Variants in RFX8 observed in about 807,000 individuals in gnomAD.
RFX8 encodes the protein regulatory factor X8, also known as DNA-binding protein RFX8.
Under a neutral mutation model 54.6 loss-of-function variants are expected in RFX8, and 46 were observed. That is an observed-to-expected ratio of 0.84 (90% CI 0.67 to 1.08). The LOEUF (loss-of-function observed/expected upper bound fraction) is 1.08. RFX8 is among the 50% of genes least tolerant of loss of function. The pLI, the probability that RFX8 is intolerant of heterozygous loss-of-function variation, is 0.00. For missense variants in RFX8, 536 were observed against 562.3 expected (o/e 0.95, Z 0.47); for synonymous variants, 192 against 209.5 (o/e 0.92, Z 0.72).
chr2:101,472,668 C>T (rs1389692368), intron 1 of RFX8, among the ~76,000 whole-genome samples: 2 of 152,132 alleles, frequency 1.3e-5, no homozygotes, highest in African/African-American at 4.8e-5. Context: ...AATACACTAA[C>T]ACTAATGATA....
At chr2:101,431,536 A>G (rs1378414271) in intron 2 of RFX8, among the ~76,000 whole-genome samples, 1 of 152,202 alleles carries the variant, frequency 6.6e-6, no homozygotes, top group African/African-American at 2.4e-5. Flanking sequence ...TTGAATGGTG[A>G]CATTGATCCT....
chr2:101,412,844 T>C (rs2104552348), intron 8 of RFX8, 71 bp downstream of exon 8: 1 of 1,398,214 alleles, frequency 7.2e-7, no homozygotes, highest in African/African-American at 1.5e-5. Flanking sequence ...ATTCATGAGT[T>C]AACGATGGCC....
intron 11 of RFX8, among the ~76,000 whole-genome samples, chr2:101,398,877 T>C (rs924818784): frequency 1.3e-5 from 2 of 152,200 alleles, no homozygotes; most frequent in Admixed American, 1.3e-4. Context: ...TCTCACTCTT[T>C]CTCTAAATTC....
intron 1 of RFX8, among the ~76,000 whole-genome samples, chr2:101,467,187 A>G (rs1339675651): frequency 1.3e-5 from 2 of 152,194 alleles, no homozygotes; most frequent in East Asian, 1.9e-4. Flanking sequence ...AAGAAGTTCA[A>G]ATTAGGACTT....
intron 2 of RFX8, among the ~76,000 whole-genome samples, chr2:101,442,305 G>T (rs1688141942): frequency 6.6e-6 from 1 of 152,184 alleles, no homozygotes. Flanking sequence ...TGTATTGTAT[G>T]TATCCCATAT....
intron 2 of RFX8, among the ~76,000 whole-genome samples, chr2:101,438,631 A>G (rs6705262): frequency 0.76 from 115,120 of 152,092 alleles, 44,524 homozygotes; most frequent in Middle Eastern, 0.88. Flanking sequence ...GGTAAATTGT[A>G]TGTTTGGTTT....
intron 2 of RFX8, among the ~76,000 whole-genome samples, chr2:101,428,378 G>A (rs528992886): frequency 8.2e-4 from 125 of 152,302 alleles, no homozygotes; most frequent in Non-Finnish European, 1.2e-3. Context: ...TTTCCACCAC[G>A]TGAGACACGA....
chr2:101,464,317 CAA>C (rs1476266813), intron 2 of RFX8, among the ~76,000 whole-genome samples: 1 of 152,190 alleles, frequency 6.6e-6, no homozygotes, highest in Non-Finnish European at 1.5e-5. Context: ...AATGTTATTT[CAA>C]AAGAGGAAGT....
chr2:101,407,124 C>T (rs1462847971), intron 9 of RFX8, among the ~76,000 whole-genome samples: 1 of 152,208 alleles, frequency 6.6e-6, no homozygotes, highest in Non-Finnish European at 1.5e-5. Context: ...CCTGTGGACC[C>T]ACCACAGCTC....
At chr2:101,466,097 T>C (rs867099617) in intron 2 of RFX8, among the ~76,000 whole-genome samples, 18 of 152,256 alleles carry the variant, frequency 1.2e-4, no homozygotes, top group African/African-American at 4.3e-4. Flanking sequence ...GTAAGTAAAA[T>C]TGAAATCCAC....
intron 4 of RFX8, among the ~76,000 whole-genome samples, chr2:101,419,189 T>G (rs1335561976): frequency 6.6e-6 from 1 of 152,166 alleles, no homozygotes; most frequent in African/African-American, 2.4e-5. Context: ...TAGAACATTA[T>G]TAATATTTTC....
chr2:101,451,021 T>C (rs1297476338), intron 2 of RFX8, among the ~76,000 whole-genome samples: 1 of 151,188 alleles, frequency 6.6e-6, no homozygotes, highest in African/African-American at 2.4e-5. Flanking sequence ...CCAGCACCCA[T>C]TAACCTTTTT....
At chr2:101,418,821 T>G in intron 5 of RFX8, 30 bp downstream of exon 5, 1 of 1,374,708 alleles carries the variant, frequency 7.3e-7, no homozygotes, top group Non-Finnish European at 1.0e-6. Context: ...CTGCAAAGGA[T>G]ATACTCTAGA....
intron 2 of RFX8, among the ~76,000 whole-genome samples, chr2:101,461,140 G>A (rs564997294): frequency 4.0e-5 from 6 of 151,414 alleles, no homozygotes; most frequent in South Asian, 2.1e-4. Context: ...ATGGTAGCGG[G>A]CACCTGTAGT....
At chr2:101,442,836 T>C (rs1042126921) in intron 2 of RFX8, among the ~76,000 whole-genome samples, 1 of 151,908 alleles carries the variant, frequency 6.6e-6, no homozygotes, top group African/African-American at 2.4e-5. Flanking sequence ...ATGAGGGAGG[T>C]GCTCCTCCTA....
intron 2 of RFX8, among the ~76,000 whole-genome samples, chr2:101,456,933 GGA>G (rs2148981140): frequency 6.6e-6 from 1 of 152,260 alleles, no homozygotes; most frequent in African/African-American, 2.4e-5. Flanking sequence ...TTTAGTCTTG[GGA>G]GGGGGTATGT....
intron 8 of RFX8, among the ~76,000 whole-genome samples, chr2:101,411,736 G>C (rs1686144528): frequency 6.6e-6 from 1 of 152,172 alleles, no homozygotes; most frequent in Admixed American, 6.5e-5. Flanking sequence ...GGAGGATCTG[G>C]AATTGGGGTC....
chr2:101,413,814 A>G (rs1162046318), intron 7 of RFX8, among the ~76,000 whole-genome samples: 1 of 152,088 alleles, frequency 6.6e-6, no homozygotes, highest in Non-Finnish European at 1.5e-5. Context: ...AGCCCTGGAG[A>G]ACAGGACTGG....
Position 101,417,513 on chromosome 2 carries a change from A to AT in RFX8, c.502+20dup, listed in dbSNP as rs1238381789. The AT allele has an allele frequency of 5.2e-6, 8 of 1,539,678 alleles. No homozygotes were observed. The Admixed American group carries it at 8.2e-5, about 16-fold the overall frequency. On this transcript the variant is annotated intron_variant, in intron 6 of 11. Transcript: ENST00000428343. ...GAGCCACTGTGCCAGCCCAGAATTT[A>AT]TTTTTTTCATCGAAACCTACCTTTG...
Sources: allele counts gnomAD v4.1 joint callset (sites outside exome capture counted in the v4.1 genomes callset), GRCh38; gene constraint gnomAD v4.1.1; transcripts MANE v1.5; gene names NCBI Gene and HGNC (gene_info 2026-07-23, HGNC 2026-07-21).